FRMD6: variants seen among roughly 807,000 people sequenced by gnomAD.
FRMD6 encodes the protein FERM domain-containing protein 6.
FRMD6 carries 37 observed loss-of-function variants against 73.2 expected under a neutral mutation model. The observed-to-expected ratio is 0.51, with a 90% CI of 0.39 to 0.66. FRMD6 has a LOEUF of 0.66. Among genes scored for constraint, FRMD6 ranks in the 30% least tolerant of loss-of-function variants. FRMD6 has a pLI of 0.00. For synonymous variants in FRMD6, 273 were observed against 282.2 expected (o/e 0.97, Z 0.33); for missense variants, 714 against 780.5 (o/e 0.91, Z 1.02).
At chr14:51,659,515 T>TAGGA (rs1361689534) in intron 1 of FRMD6, among the ~76,000 whole-genome samples, 26 of 152,240 alleles carry the variant, frequency 1.7e-4, no homozygotes, top group Non-Finnish European at 3.4e-4. Context: ...GTTGCTGCAG[T>TAGGA]AGGAGCAGCT....
Position 51,715,469 on chromosome 14 carries a change from C to G in FRMD6, c.994C>G (p.Arg332Gly). The G allele has an allele frequency of 6.2e-7, 1 of 1,611,210 alleles. No homozygotes were observed. Residue 332 changes from arginine (R) to glycine (G), a missense_variant, in exon 10 of 14, where the codon CGC (arginine) becomes GGC (glycine). Arg to Gly is a moderately radical substitution (Grantham distance 125). Coordinates refer to ENST00000344768, the MANE Select transcript of FRMD6 (RefSeq NM_001267046.2). ...CTATATGAATCTGCAGCCTGTCCTG[C>G]GCCATATCCGGAAGCTGGAGGAAAA... ...RLYMNLQPVL[R>G]HIRKLEENEE...
chr14:51,496,557 A>T (rs1862553948), intron 1 of FRMD6, among the ~76,000 whole-genome samples: 1 of 152,224 alleles, frequency 6.6e-6, no homozygotes, highest in South Asian at 2.1e-4. Context: ...GGGTACCAAG[A>T]GGATAACAGT....
At chr14:51,619,357 G>A (rs886251268) in intron 2 of FRMD6, among the ~76,000 whole-genome samples, 1 of 151,556 alleles carries the variant, frequency 6.6e-6, no homozygotes, top group Admixed American at 6.6e-5. Flanking sequence ...GGGCTTTAAG[G>A]TATGCAAGAG....
intron 10 of FRMD6, among the ~76,000 whole-genome samples, chr14:51,718,905 C>G (rs971640098): frequency 6.6e-6 from 1 of 152,064 alleles, no homozygotes; most frequent in Non-Finnish European, 1.5e-5. Flanking sequence ...ATTATACTTC[C>G]GAGCTGGATT....
chr14:51,547,364 T>C (rs1886531967), intron 1 of FRMD6, among the ~76,000 whole-genome samples: 1 of 152,198 alleles, frequency 6.6e-6, no homozygotes, highest in African/African-American at 2.4e-5. Context: ...TTCTCTTGGC[T>C]GTAAGTTTGT....
rs1026772609 is a variant in FRMD6, at chr14:51,519,080, A to G, written c.-210+29660A>G. On this transcript the variant is annotated intron_variant, in intron 1 of 14. Coordinates refer to the FRMD6 transcript ENST00000356218. ...AACAATAAACTAAATGATTTAATAC[A>G]TGGGACCCTAGATAGTTCTTGCATT... Among the ~76,000 whole-genome samples, 116 of 152,200 alleles carry G rather than the reference A, an allele frequency of 7.6e-4. 2 individuals are homozygous for G. Among genetic ancestry groups the G allele is most frequent in the African/African-American group, 2.7e-3 (111 of 41,564 alleles).
intron 2 of FRMD6, among the ~76,000 whole-genome samples, chr14:51,575,237 A>G (rs1888338736): frequency 1.3e-5 from 2 of 150,586 alleles, no homozygotes; most frequent in South Asian, 4.1e-4. Context: ...CTTACATTTT[A>G]ACTTTAAGAT....
At chr14:51,607,286 G>A (rs781751634) in intron 2 of FRMD6, among the ~76,000 whole-genome samples, 165 of 152,218 alleles carry the variant, frequency 1.1e-3, no homozygotes, top group Non-Finnish European at 1.9e-3. Flanking sequence ...AGGATCAGAC[G>A]ACTTCTTCCA....
intron 13 of FRMD6, among the ~76,000 whole-genome samples, chr14:51,727,451 A>T (rs1199960550): frequency 6.6e-6 from 1 of 152,208 alleles, no homozygotes; most frequent in Admixed American, 6.5e-5. Context: ...GAGGAGAATG[A>T]TAGTGCCTGC....
chr14:51,617,313 A>G (rs967303010), intron 2 of FRMD6, among the ~76,000 whole-genome samples: 4 of 152,004 alleles, frequency 2.6e-5, no homozygotes, highest in African/African-American at 7.3e-5. Flanking sequence ...GAGTGGGGGG[A>G]AAAAGAAGAA....
intron 1 of FRMD6, among the ~76,000 whole-genome samples, chr14:51,490,011 A>G (rs1882902608): frequency 6.6e-6 from 1 of 152,192 alleles, no homozygotes; most frequent in Non-Finnish European, 1.5e-5. Context: ...ACATTTACAT[A>G]TTTGGGGTTC....
At chr14:51,633,288 A>C (rs961018574) in intron 2 of FRMD6, among the ~76,000 whole-genome samples, 2 of 143,300 alleles carry the variant, frequency 1.4e-5, no homozygotes, top group Non-Finnish European at 3.1e-5. Flanking sequence ...TTTTTTTTTT[A>C]TTTTTTAAAA....
Position 51,493,553 on chromosome 14 carries a change from T to A in FRMD6, c.-210+4133T>A, listed in dbSNP as rs543232969. 7.2e-5 allele frequency among the ~76,000 whole-genome samples: 11 copies of A among 152,280 alleles called. No homozygotes were observed. The East Asian group carries it at 2.1e-3, about 29-fold the overall frequency. On this transcript the variant is annotated intron_variant, in intron 1 of 14. Coordinates refer to the FRMD6 transcript ENST00000356218. ...TTTGCTCTTCCTTTGCCTTCCACCA[T>A]GATTGTGAGGCATCCCCAGCCCTGT...
At chr14:51,663,000 GCAAA>G (rs1259964850) in intron 1 of FRMD6, among the ~76,000 whole-genome samples, 6 of 152,252 alleles carry the variant, frequency 3.9e-5, no homozygotes, top group African/African-American at 9.6e-5. Flanking sequence ...CATGGATGCA[GCAAA>G]CAATCATATG....
chr14:51,704,992 A>G (rs2140472301), intron 6 of FRMD6, 57 bp downstream of exon 6: 1 of 1,483,618 alleles, frequency 6.7e-7, no homozygotes, highest in South Asian at 1.2e-5. Context: ...TCTAGTTCGT[A>G]GTGTTGCTAC....
intron 1 of FRMD6, among the ~76,000 whole-genome samples, chr14:51,499,099 A>G (rs1883461015): frequency 6.6e-6 from 1 of 152,214 alleles, no homozygotes; most frequent in Non-Finnish European, 1.5e-5. Flanking sequence ...GCAGTTTTCA[A>G]TACAGTTACT....
chr14:51,600,273 A>T (rs1889967371), intron 2 of FRMD6, among the ~76,000 whole-genome samples: 1 of 152,118 alleles, frequency 6.6e-6, no homozygotes, highest in Non-Finnish European at 1.5e-5. Context: ...CAGGAGCTTA[A>T]TTTTTTTCCC....
intron 7 of FRMD6, among the ~76,000 whole-genome samples, chr14:51,708,865 G>C (rs530598376): frequency 6.6e-6 from 1 of 152,274 alleles, no homozygotes; most frequent in South Asian, 2.1e-4. Flanking sequence ...AACATAGGCT[G>C]TGAGCCTAAG....
chr14:51,543,872 A>T (rs1273646642), intron 1 of FRMD6, among the ~76,000 whole-genome samples: 1 of 152,084 alleles, frequency 6.6e-6, no homozygotes, highest in Non-Finnish European at 1.5e-5. Context: ...AAAATCAGGC[A>T]GTGAAGTCAG....
Sources: gnomAD v4.1 joint callset for allele counts (sites outside exome capture counted in the v4.1 genomes callset) on GRCh38, gnomAD v4.1.1 for gene constraint, MANE v1.5 for transcripts, NCBI Gene and HGNC (gene_info 2026-07-23, HGNC 2026-07-21) for gene names.